The following CAP2 variants were observed in gnomAD, a reference collection of about 807,000 sequenced individuals.
CAP2 encodes the protein adenylyl cyclase-associated protein 2.
In CAP2, 24 loss-of-function variants were observed where a neutral mutation model predicts 57.7. That is an observed-to-expected ratio of 0.42 (90% CI 0.30 to 0.58). CAP2 has a LOEUF of 0.58. CAP2 is among the 20% of genes least tolerant of loss of function. The pLI is 0.22. For missense variants in CAP2, 501 were observed against 590.3 expected (o/e 0.85, Z 1.57); for synonymous variants, 194 against 207.2 (o/e 0.94, Z 0.55).
intron 7 of CAP2, among the ~76,000 whole-genome samples, chr6:17,524,874 ATTTCTTTTCT>A (rs1459087416): frequency 7.1e-6 from 1 of 140,916 alleles, no homozygotes; most frequent in African/African-American, 2.7e-5. Flanking sequence ...ATTTTAGAGT[ATTTCTTTTCT>A]TTTCTTTTCT....
At chr6:17,440,614 G>GTGTGTGTGTGTGTGTGT in intron 3 of CAP2, among the ~76,000 whole-genome samples, 1 of 141,682 alleles carries the variant, frequency 7.1e-6, no homozygotes, top group South Asian at 2.3e-4. Context: ...AACTGTGTGT[G>GTGTGTGTGTGTGTGTGT]GTGTGTGTGT....
At chr6:17,428,387 C>A (rs1759642978) in intron 3 of CAP2, among the ~76,000 whole-genome samples, 1 of 152,124 alleles carries the variant, frequency 6.6e-6, no homozygotes, top group African/African-American at 2.4e-5. Context: ...CTGGGTTCTT[C>A]TTTTTCTTTG....
intron 4 of CAP2, among the ~76,000 whole-genome samples, chr6:17,503,610 A>G (rs1375962449): frequency 2.6e-5 from 4 of 151,530 alleles, no homozygotes; most frequent in Non-Finnish European, 5.9e-5. Flanking sequence ...ATCTCAAAAA[A>G]AAAAAAAAAA....
intron 1 of CAP2, among the ~76,000 whole-genome samples, chr6:17,416,180 G>T (rs1759271944): frequency 1.0e-5 from 1 of 100,358 alleles, no homozygotes; most frequent in Non-Finnish European, 2.5e-5. Flanking sequence ...ACATGTTGGA[G>T]GAATAAGTAC....
chr6:17,419,905 C>T (rs1759388833), intron 1 of CAP2, among the ~76,000 whole-genome samples: 2 of 151,598 alleles, frequency 1.3e-5, no homozygotes, highest in African/African-American at 2.4e-5. Context: ...CAGAGTCTCA[C>T]TCTGTCGCCA....
chr6:17,529,690 G>T (rs1195926616), intron 7 of CAP2, among the ~76,000 whole-genome samples: 1 of 149,094 alleles, frequency 6.7e-6, no homozygotes, highest in African/African-American at 2.5e-5. Flanking sequence ...ACACCCTACA[G>T]TATGAATTTG....
intron 3 of CAP2, among the ~76,000 whole-genome samples, chr6:17,436,958 G>A (rs991828629): frequency 2.0e-4 from 30 of 152,102 alleles, no homozygotes; most frequent in African/African-American, 6.0e-4. Context: ...GGTGAACTGC[G>A]CATTCGAGGG....
intron 4 of CAP2, among the ~76,000 whole-genome samples, chr6:17,492,232 T>G (rs1320498902): frequency 6.6e-6 from 1 of 152,182 alleles, no homozygotes; most frequent in African/African-American, 2.4e-5. Context: ...CCCAACTTCT[T>G]GTGATGTTTG....
intron 1 of CAP2, among the ~76,000 whole-genome samples, chr6:17,415,352 A>G (rs1759247388): frequency 6.6e-6 from 1 of 152,246 alleles, no homozygotes; most frequent in Non-Finnish European, 1.5e-5. Context: ...AATCCTGAAG[A>G]AAAAGGAGCC....
intron 7 of CAP2, among the ~76,000 whole-genome samples, chr6:17,518,874 G>A (rs1762328126): frequency 6.6e-6 from 1 of 152,036 alleles, no homozygotes; most frequent in African/African-American, 2.4e-5. Context: ...CTCAGCTCAA[G>A]GAATTTGCCC....
chr6:17,410,719 G>A (rs557700026), intron 1 of CAP2, among the ~76,000 whole-genome samples: 6 of 152,088 alleles, frequency 3.9e-5, no homozygotes, highest in Non-Finnish European at 5.9e-5. Context: ...CACCACGCCT[G>A]GTCAACTTTT....
At chr6:17,422,510 C>T (rs890371191) in intron 2 of CAP2, among the ~76,000 whole-genome samples, 12 of 151,878 alleles carry the variant, frequency 7.9e-5, no homozygotes, top group African/African-American at 2.4e-4. Context: ...CCACCACGCC[C>T]AGCTAATTTT....
chr6:17,511,920 G>C (rs540884019), intron 6 of CAP2, among the ~76,000 whole-genome samples: 1 of 152,128 alleles, frequency 6.6e-6, no homozygotes, highest in South Asian at 2.1e-4. Context: ...TTTGGGTCCT[G>C]CTCAATTTGT....
intron 11 of CAP2, among the ~76,000 whole-genome samples, chr6:17,547,144 AAGG>A (rs1763066024): frequency 6.6e-6 from 1 of 152,226 alleles, no homozygotes; most frequent in Admixed American, 6.5e-5. Context: ...GGACCTCTTC[AAGG>A]AGAACTATAA....
At chr6:17,520,770 C>T (rs561232400) in intron 7 of CAP2, among the ~76,000 whole-genome samples, 93 of 152,276 alleles carry the variant, frequency 6.1e-4, no homozygotes, top group Non-Finnish European at 1.0e-3. Flanking sequence ...ATGCCTTGTA[C>T]GTTTTCAAGT....
chr6:17,461,280 G>A (rs955906884), intron 3 of CAP2, among the ~76,000 whole-genome samples: 2 of 150,876 alleles, frequency 1.3e-5, no homozygotes, highest in African/African-American at 2.4e-5. Context: ...AGTCTGAAGC[G>A]CAGTAGCACA....
At chr6:17,526,272 CAT>C (rs1762506850) in intron 7 of CAP2, among the ~76,000 whole-genome samples, 1 of 152,082 alleles carries the variant, frequency 6.6e-6, no homozygotes, top group African/African-American at 2.4e-5. Context: ...CACGCACCAC[CAT>C]ACCTGACTAA....
intron 3 of CAP2, among the ~76,000 whole-genome samples, chr6:17,438,608 T>C (rs944420598): frequency 2.7e-5 from 4 of 145,626 alleles, no homozygotes; most frequent in African/African-American, 1.0e-4. Context: ...CCAGCTAATT[T>C]TTTTGTATTT....
chr6:17,426,641 C>T lies in CAP2; in HGVS notation c.173C>T (p.Ala58Val). 1 of 1,614,004 alleles carries T rather than the reference C, an allele frequency of 6.2e-7. No individual in the cohort carries two copies. The highest frequency in any genetic ancestry group is 8.5e-7 in the Non-Finnish European group (1 of 1,179,962). ...AFDKLMDSMV[A>V]EFLKNSRILA... Reference sequence around the variant, plus strand: ...GACAAGCTGATGGACAGTATGGTGGCCGAGTTTTTAAAGAACAGTAGGATC... The same window carrying T: ...GACAAGCTGATGGACAGTATGGTGGTCGAGTTTTTAAAGAACAGTAGGATC... Residue 58 changes from alanine (A) to valine (V), a missense_variant, in exon 3 of 13, where the codon GCC (alanine) becomes GTC (valine). Transcript: ENST00000229922.
Sources: gnomAD v4.1 joint callset for allele counts (sites outside exome capture counted in the v4.1 genomes callset) on GRCh38, gnomAD v4.1.1 for gene constraint, MANE v1.5 for transcripts, NCBI Gene and HGNC (gene_info 2026-07-23, HGNC 2026-07-21) for gene names.